CHL1: variants seen among roughly 807,000 people sequenced by gnomAD.
CHL1 encodes neural cell adhesion molecule L1-like protein.
A neutral mutation model predicts 141.9 loss-of-function variants in CHL1; 96 were observed. The ratio of observed to expected loss-of-function variants is 0.68; its 90% CI spans 0.57 to 0.80. The LOEUF is 0.80. Among genes scored for constraint, CHL1 ranks in the 30% least tolerant of loss-of-function variants. The probability of loss-of-function intolerance (pLI) is 0.00; values close to 1 mark genes in which losing one functional copy is unlikely to be tolerated. For synonymous variants in CHL1, 613 were observed against 502.2 expected (o/e 1.22, Z -2.95); for missense variants, 1,820 against 1,457.2 (o/e 1.25, Z -4.05).
intron 19 of CHL1, among the ~76,000 whole-genome samples, chr3:387,630 C>A (rs1351468730): frequency 1.3e-5 from 2 of 152,160 alleles, no homozygotes; most frequent in African/African-American, 4.8e-5. Flanking sequence ...TATTTGCACA[C>A]ACTTATTGTC....
intron 11 of CHL1, among the ~76,000 whole-genome samples, chr3:358,646 G>A (rs1703932401): frequency 6.6e-6 from 1 of 152,072 alleles, no homozygotes; most frequent in Non-Finnish European, 1.5e-5. Flanking sequence ...TCTTTGGGCA[G>A]TGGGGACACA....
chr3:401,567 G>A, intron 26 of CHL1, 59 bp from the exon 27 acceptor site: 1 of 994,504 alleles, frequency 1.0e-6, no homozygotes, highest in Non-Finnish European at 1.6e-6. Flanking sequence ...CACAGCACTG[G>A]TAAAATGTCT....
At chr3:309,757 C>T (rs899625127) in intron 2 of CHL1, among the ~76,000 whole-genome samples, 69 of 152,244 alleles carry the variant, frequency 4.5e-4, no homozygotes, top group African/African-American at 1.6e-3. Flanking sequence ...TTAGGTGATC[C>T]TCCAGCCTCA....
chr3:204,691 G>A (rs2063645), intron 1 of CHL1, among the ~76,000 whole-genome samples: 123,584 of 152,160 alleles, frequency 0.81, 50,848 homozygotes, highest in Middle Eastern at 0.9. Context: ...GAAATAACAC[G>A]TCTCATGTGC....
At chr3:363,120 GA>G in intron 13 of CHL1, 96 bp from the exon 14 acceptor site, 2 of 1,007,502 alleles carry the variant, frequency 2.0e-6, no homozygotes, top group East Asian at 5.0e-5. Context: ...CTGAGCTATT[GA>G]AAGGGGATTA....
chr3:377,753 A>G, intron 15 of CHL1, 65 bp from the exon 16 acceptor site: 2 of 1,391,752 alleles, frequency 1.4e-6, no homozygotes, highest in Non-Finnish European at 2.0e-6. Flanking sequence ...CATTTTTAAA[A>G]GAATTGGGTT....
chr3:368,245 C>T (rs911395273), intron 15 of CHL1, among the ~76,000 whole-genome samples: 1 of 152,202 alleles, frequency 6.6e-6, no homozygotes, highest in African/African-American at 2.4e-5. Flanking sequence ...TTCTCTGCAG[C>T]CTCACCAGCA....
chr3:395,666 A>G (rs1373120357), intron 24 of CHL1, among the ~76,000 whole-genome samples: 1 of 152,250 alleles, frequency 6.6e-6, no homozygotes, highest in Non-Finnish European at 1.5e-5. Flanking sequence ...GCAGAAAGGG[A>G]AATAGAGTTG....
intron 1 of CHL1, 86 bp downstream of exon 1, chr3:197,149 G>A (rs962401633): frequency 2.6e-5 from 4 of 152,418 alleles, no homozygotes; most frequent in African/African-American, 4.8e-5. Flanking sequence ...GGTGCTCCGG[G>A]AGGGGTCCAC....
intron 2 of CHL1, among the ~76,000 whole-genome samples, chr3:303,338 T>C (rs1316641277): frequency 6.6e-6 from 1 of 152,206 alleles, no homozygotes; most frequent in Non-Finnish European, 1.5e-5. Context: ...TTGAGCAGTA[T>C]GGCCATTTTC....
chr3:328,893 G>C (rs1216829243), intron 5 of CHL1, among the ~76,000 whole-genome samples: 1 of 152,054 alleles, frequency 6.6e-6, no homozygotes, highest in Non-Finnish European at 1.5e-5. Context: ...AGTTATGCAG[G>C]CAACTCCTAC....
chr3:319,763 C>T lies in CHL1; in HGVS notation c.-14C>T, dbSNP rs1276739511. On this transcript the variant is annotated 5_prime_UTR_variant, in exon 3 of 28. Coordinates refer to ENST00000256509, the MANE Select transcript of CHL1 (RefSeq NM_006614.4). ...ATTTTCATTCTTACCGGGTTGTCTTCTTCCTGAAGAGCAATGGAGCCGCTT... is the reference window on the plus strand; with the variant it reads ...ATTTTCATTCTTACCGGGTTGTCTTTTTCCTGAAGAGCAATGGAGCCGCTT... The T allele has an allele frequency of 6.4e-7, 1 of 1,567,222 alleles. No individual in the cohort carries two copies. The highest frequency in any genetic ancestry group is 1.4e-5 in the African/African-American group (1 of 73,468).
At chr3:401,752 T>C in intron 27 of CHL1, 54 bp downstream of exon 27, 1 of 1,035,262 alleles carries the variant, frequency 9.7e-7, no homozygotes, top group Admixed American at 2.5e-5. Flanking sequence ...TGTTGAAAGC[T>C]TAAGTGAACA....
intron 2 of CHL1, chr3:248,698 A>G (rs1316367505): frequency 6.6e-6 from 1 of 152,080 alleles, no homozygotes; most frequent in Non-Finnish European, 1.5e-5. Flanking sequence ...TTTCTTTCCA[A>G]ATTCAGAAGG....
At chr3:361,443 A>C (rs1275786807) in intron 12 of CHL1, among the ~76,000 whole-genome samples, 1 of 149,540 alleles carries the variant, frequency 6.7e-6, no homozygotes, top group Non-Finnish European at 1.5e-5. Context: ...CAACCTACAA[A>C]ATGGGAGAAA....
At chr3:275,028 T>C (rs542440559) in intron 2 of CHL1, among the ~76,000 whole-genome samples, 1 of 152,390 alleles carries the variant, frequency 6.6e-6, no homozygotes, top group South Asian at 2.1e-4. Context: ...GATAGCAGTG[T>C]GGTCCTACTC....
rs1702618187 is a variant in CHL1 at position 344,719 on chromosome 3, C to A, written c.848+10C>A. 6.2e-7 allele frequency: 1 copy of A among 1,612,930 alleles called. No individual in the cohort carries two copies. The highest frequency in any genetic ancestry group is 2.2e-5 in the East Asian group (1 of 44,850). On this transcript the variant is annotated intron_variant, in intron 9 of 27. Coordinates refer to ENST00000256509, the MANE Select transcript of CHL1 (RefSeq NM_006614.4). ...GTTTTGCTGAAGGCTTGTGAGTAAC[C>A]TGACTCTCACTCATGACTTTGTCCA...
At chr3:198,963 T>C (rs931508728) in intron 1 of CHL1, among the ~76,000 whole-genome samples, 8 of 152,360 alleles carry the variant, frequency 5.3e-5, no homozygotes, top group Non-Finnish European at 8.8e-5. Context: ...GGGAAACTTT[T>C]GGTGACAAGA....
At chr3:305,266 C>T (rs190963802) in intron 2 of CHL1, among the ~76,000 whole-genome samples, 16 of 152,056 alleles carry the variant, frequency 1.1e-4, no homozygotes, top group African/African-American at 3.6e-4. Context: ...GTCTTTGTCA[C>T]CTGCTAGTCA....
Sources: allele counts gnomAD v4.1 joint callset (sites outside exome capture counted in the v4.1 genomes callset), GRCh38; gene constraint gnomAD v4.1.1; transcripts MANE v1.5; gene names NCBI Gene and HGNC (gene_info 2026-07-23, HGNC 2026-07-21).